KIF18A: variants seen among roughly 807,000 people sequenced by gnomAD.
The protein encoded by KIF18A is kinesin family member 18A.
A neutral mutation model predicts 103.3 loss-of-function variants in KIF18A; 67 were observed. The observed-to-expected ratio is 0.65, with a 90% CI of 0.53 to 0.79. KIF18A has a LOEUF of 0.79. Among genes scored for constraint, KIF18A ranks in the 30% least tolerant of loss-of-function variants. KIF18A has a pLI of 0.00. For synonymous variants in KIF18A, 367 were observed against 355.5 expected, an observed-to-expected ratio of 1.03 and a Z score of -0.36; for missense variants, 1,032 against 1,062.5, an observed-to-expected ratio of 0.97 and a Z score of 0.40.
intron 15 of KIF18A, among the ~76,000 whole-genome samples, chr11:28,032,340 C>T (rs1829487069): frequency 6.6e-6 from 1 of 151,826 alleles, no homozygotes; most frequent in South Asian, 2.1e-4. Flanking sequence ...ATACCAATGA[C>T]ACTCTTCATA....
chr11:28,049,768 T>A (rs901311759), intron 13 of KIF18A, among the ~76,000 whole-genome samples: 1 of 152,060 alleles, frequency 6.6e-6, no homozygotes, highest in African/African-American at 2.4e-5. Flanking sequence ...TACAAATGAT[T>A]GATACAATTA....
chr11:28,097,741 A>G lies in KIF18A; in HGVS notation c.207T>C (p.Asn69=). 1 of 1,610,856 alleles carries G rather than the reference A, an allele frequency of 6.2e-7. No homozygotes were observed. The highest frequency in any genetic ancestry group is 1.7e-4 in the Middle Eastern group (1 of 6,048). The change falls in exon 2 of 17, where the codon AAT becomes AAC. Residue 69 remains asparagine, a synonymous_variant. Transcript: ENST00000263181. The stretch of plus-strand genomic sequence containing the variant: ...CATCAAATACAAATTTAAGATCCTT[A>G]TTTTGTTTCTTTATAACATTTTGAT... ...TTNQNVIKKQ[N]KDLKFVFDAV...
intron 9 of KIF18A, among the ~76,000 whole-genome samples, chr11:28,079,789 G>A (rs1296452349): frequency 5.9e-5 from 9 of 151,976 alleles, no homozygotes; most frequent in Non-Finnish European, 1.3e-4. Flanking sequence ...GTTTATACAG[G>A]AATTCCTTAT....
intron 15 of KIF18A, among the ~76,000 whole-genome samples, chr11:28,026,181 T>A (rs182769738): frequency 3.9e-4 from 59 of 151,966 alleles, no homozygotes; most frequent in African/African-American, 1.4e-3. Context: ...AAATCTAATA[T>A]ACTCAATTAT....
At chr11:28,043,627 A>T (rs1284102338) in intron 13 of KIF18A, among the ~76,000 whole-genome samples, 1 of 135,444 alleles carries the variant, frequency 7.4e-6, no homozygotes, top group East Asian at 2.0e-4. Context: ...TTATTTGATG[A>T]TATAAAAAAA....
Position 28,035,437 on chromosome 11 carries a change from T to C in KIF18A, c.2454A>G (p.Pro818=), listed in dbSNP as rs751309859. ...KHSMPVPSMV[P]SYMAMTTAAK... is the part of the protein sequence containing the mutation. ...CAGCAGTAGTCATTGCCATGTAGGA[T>C]GGCACCATGCTTGGTACAGGCATAG... Residue 818 remains proline, a synonymous_variant, in exon 15 of 17, where the codon CCA becomes CCG. Coordinates refer to ENST00000263181, the MANE Select transcript of KIF18A (RefSeq NM_031217.4). 6.2e-7 allele frequency: 1 copy of C among 1,604,332 alleles called. No homozygotes were observed. The highest frequency in any genetic ancestry group is 8.5e-7 in the Non-Finnish European group (1 of 1,174,568).
intron 15 of KIF18A, among the ~76,000 whole-genome samples, chr11:28,029,191 C>T (rs1392978217): frequency 1.3e-5 from 2 of 152,138 alleles, no homozygotes; most frequent in Non-Finnish European, 2.9e-5. Context: ...AGACCAGCAT[C>T]ATCCTGATAC....
intron 11 of KIF18A, among the ~76,000 whole-genome samples, chr11:28,068,479 CAA>C (rs59494887): frequency 4.2e-5 from 5 of 118,190 alleles, no homozygotes; most frequent in Admixed American, 1.7e-4. Flanking sequence ...AGTAATTATG[CAA>C]AAAAAAAAAA....
rs758408462 is a variant in KIF18A at position 28,097,735 on chromosome 11, A to G, written c.213T>C (p.Asp71=). The change falls in exon 2 of 17, where the codon GAT becomes GAC. Residue 71 remains aspartate, a synonymous_variant. Coordinates refer to ENST00000263181, the MANE Select transcript of KIF18A (RefSeq NM_031217.4). The stretch of plus-strand genomic sequence containing the variant: ...AAACAGCATCAAATACAAATTTAAG[A>G]TCCTTATTTTGTTTCTTTATAACAT... ...NQNVIKKQNK[D]LKFVFDAVFD... is the part of the protein sequence containing the mutation. The G allele has an allele frequency of 2.5e-6, 4 of 1,610,828 alleles. No homozygotes were observed. In the South Asian group the frequency reaches 4.4e-5, roughly 18 times the overall value.
At position 28,088,700 on chromosome 11, in the gene KIF18A, T is replaced by C. The variant is rs1851264261; in HGVS notation, c.721A>G (p.Lys241Glu). 6.8e-6 allele frequency: 11 copies of C among 1,613,828 alleles called. No individual in the cohort carries two copies. The highest frequency in any genetic ancestry group is 9.3e-6 in the Non-Finnish European group (11 of 1,179,780). ...VFQIYLRQQDKTASINQNVRI... is the reference protein window; with the variant it reads ...VFQIYLRQQDETASINQNVRI... ...ACATTTTGATTGATACTTGCTGTTTTGTCTTGTTGTCGCAAGTAAATCTTT... is the reference window on the plus strand; with the variant it reads ...ACATTTTGATTGATACTTGCTGTTTCGTCTTGTTGTCGCAAGTAAATCTTT... Residue 241 changes from lysine to glutamate, a missense_variant, in exon 6 of 17, where the codon AAA (lysine) becomes GAA (glutamate). Physicochemically the swap from Lys to Glu is moderately conservative, Grantham distance 56. Transcript: ENST00000263181.
At chr11:28,091,357 T>G (rs534139221) in intron 4 of KIF18A, 52 bp downstream of exon 4, 1 of 961,234 alleles carries the variant, frequency 1.0e-6, no homozygotes, top group Admixed American at 2.1e-5. Flanking sequence ...TGAAAATAGC[T>G]TAATAGTCAC....
chr11:28,041,901 A>C (rs760434950), intron 13 of KIF18A, among the ~76,000 whole-genome samples: 1 of 151,850 alleles, frequency 6.6e-6, no homozygotes, highest in Non-Finnish European at 1.5e-5. Flanking sequence ...TAAAACCATG[A>C]ACCATTTATG....
At chr11:28,107,388 AAAG>A (rs1374966613) in intron 1 of KIF18A, among the ~76,000 whole-genome samples, 1 of 152,162 alleles carries the variant, frequency 6.6e-6, no homozygotes, top group African/African-American at 2.4e-5. Flanking sequence ...AAAAAAAAAA[AAAG>A]TCCTGCGGAA....
At chr11:28,085,315 T>C (rs1851213072) in intron 6 of KIF18A, among the ~76,000 whole-genome samples, 1 of 152,116 alleles carries the variant, frequency 6.6e-6, no homozygotes, top group African/African-American at 2.4e-5. Flanking sequence ...CAGCTTCCTG[T>C]GGAAGGCTGG....
intron 13 of KIF18A, among the ~76,000 whole-genome samples, chr11:28,051,071 T>C (rs1191787524): frequency 6.6e-6 from 1 of 151,830 alleles, no homozygotes; most frequent in Non-Finnish European, 1.5e-5. Flanking sequence ...TCTGAAACTT[T>C]GCTGAGGAAC....
intron 7 of KIF18A, chr11:28,084,370 T>C (rs1851200518): frequency 6.4e-6 from 1 of 156,828 alleles, no homozygotes; most frequent in Non-Finnish European, 1.4e-5. Flanking sequence ...TCAAAGAGGT[T>C]AGGGAGAAAG....
intron 1 of KIF18A, among the ~76,000 whole-genome samples, chr11:28,103,840 AT>A (rs1170334934): frequency 1.4e-4 from 22 of 152,194 alleles, no homozygotes; most frequent in Admixed American, 1.4e-3. Flanking sequence ...AAAGAAAAAA[AT>A]AAGAAAGAAA....
At chr11:28,075,489 T>G (rs1245243590) in intron 10 of KIF18A, among the ~76,000 whole-genome samples, 2 of 152,198 alleles carry the variant, frequency 1.3e-5, no homozygotes. Context: ...TAAGGTGAGT[T>G]TTTAATTTTA....
In KIF18A at chr11:28,094,691, A is replaced by T. The variant is rs372973208; in HGVS notation, c.435T>A (p.Asp145Glu). 1.2e-6 allele frequency: 2 copies of T among 1,609,436 alleles called. No individual in the cohort carries two copies. Among genetic ancestry groups the T allele is most frequent in the African/African-American group, 1.3e-5 (1 of 74,816 alleles). Reference protein sequence around the residue: ...LTMLHLYKCMDEIKEEKICST... With the variant: ...LTMLHLYKCMEEIKEEKICST... Reference sequence around the variant, plus strand: ...TACATATTTTCTCTTCTTTAATCTCATCCATGCATTTGTAAAGGTGTAACA... The same window carrying T: ...TACATATTTTCTCTTCTTTAATCTCTTCCATGCATTTGTAAAGGTGTAACA... The change falls in exon 3 of 17, where the codon GAT becomes GAA. Residue 145 changes from aspartate (D) to glutamate (E), a missense_variant. Physicochemically the swap from Asp to Glu is conservative, Grantham distance 45 (BLOSUM62 2). Coordinates refer to ENST00000263181, the MANE Select transcript of KIF18A (RefSeq NM_031217.4).
Sources: allele counts gnomAD v4.1 joint callset (sites outside exome capture counted in the v4.1 genomes callset), GRCh38; gene constraint gnomAD v4.1.1; transcripts MANE v1.5; gene names NCBI Gene and HGNC (gene_info 2026-07-23, HGNC 2026-07-21).